Variants in ANKS1B observed in about 807,000 individuals in gnomAD.
ANKS1B encodes the protein ankyrin repeat and sterile alpha motif domain containing 1B.
In ANKS1B, 36 loss-of-function variants were observed where a neutral mutation model predicts 148.3. The observed-to-expected ratio is 0.24, with a 90% CI of 0.19 to 0.32. The LOEUF (loss-of-function observed/expected upper bound fraction) is 0.32. Ranked by LOEUF, ANKS1B falls within the 10% of genes least tolerant of loss-of-function variation. The probability of loss-of-function intolerance (pLI) is 1.00; values close to 1 mark genes in which losing one functional copy is unlikely to be tolerated. For synonymous variants in ANKS1B, 542 were observed against 560.8 expected (o/e 0.97, Z 0.47); for missense variants, 1,157 against 1,542.6 (o/e 0.75, Z 4.19).
intron 17 of ANKS1B, among the ~76,000 whole-genome samples, chr12:98,968,000 A>G (rs376946835): frequency 1.4e-4 from 22 of 152,202 alleles, no homozygotes; most frequent in African/African-American, 4.8e-4. Context: ...GAGACTATTC[A>G]AGAGGGCATT....
At chr12:99,101,207 A>T (rs1367433521) in intron 15 of ANKS1B, among the ~76,000 whole-genome samples, 1 of 152,142 alleles carries the variant, frequency 6.6e-6, no homozygotes, top group Non-Finnish European at 1.5e-5. Context: ...AAGTTGTTTT[A>T]TGCCTGGAAG....
chr12:98,857,921 A>G (rs115111633), intron 17 of ANKS1B, among the ~76,000 whole-genome samples: 2 of 152,170 alleles, frequency 1.3e-5, no homozygotes, highest in African/African-American at 4.8e-5. Flanking sequence ...GTATGTAGCT[A>G]TATTTTGTGT....
chr12:99,474,414 A>C (rs2096284910), intron 10 of ANKS1B, among the ~76,000 whole-genome samples: 1 of 152,132 alleles, frequency 6.6e-6, no homozygotes, highest in Non-Finnish European at 1.5e-5. Flanking sequence ...TAAAATATAA[A>C]GAAGAAATTA....
intron 26 of ANKS1B, among the ~76,000 whole-genome samples, chr12:98,749,598 T>C (rs977940904): frequency 2.0e-5 from 3 of 152,114 alleles, no homozygotes; most frequent in African/African-American, 7.2e-5. Context: ...AAGTCAGCCA[T>C]GCAGAAACCG....
intron 22 of ANKS1B, chr12:98,794,838 A>C: frequency 6.2e-7 from 1 of 1,601,244 alleles, no homozygotes. Flanking sequence ...AGCTACAGAA[A>C]GTTCAGGATA....
At chr12:99,498,463 T>C (rs183696461) in intron 10 of ANKS1B, among the ~76,000 whole-genome samples, 1 of 152,272 alleles carries the variant, frequency 6.6e-6, no homozygotes, top group Admixed American at 6.5e-5. Flanking sequence ...TATTCATCTA[T>C]CTAACTCCTC....
chr12:99,768,022 A>G (rs1196795989), intron 8 of ANKS1B, among the ~76,000 whole-genome samples: 2 of 152,184 alleles, frequency 1.3e-5, no homozygotes, highest in Non-Finnish European at 2.9e-5. Flanking sequence ...TTGGAAGAAA[A>G]GAGACAACAA....
intron 17 of ANKS1B, among the ~76,000 whole-genome samples, chr12:98,854,507 G>A (rs1009471627): frequency 1.8e-5 from 2 of 112,666 alleles, no homozygotes; most frequent in Admixed American, 1.0e-4. Context: ...ACCATCCCCT[G>A]TTTTACAAAG....
chr12:99,492,983 T>A (rs1407747828), intron 10 of ANKS1B, among the ~76,000 whole-genome samples: 1 of 152,118 alleles, frequency 6.6e-6, no homozygotes, highest in African/African-American at 2.4e-5. Flanking sequence ...TGGCACAAGA[T>A]AGGATGCCTT....
chr12:99,810,044 C>T (rs11110056), intron 3 of ANKS1B, among the ~76,000 whole-genome samples: 40,131 of 151,828 alleles, frequency 0.26, 5,652 homozygotes, highest in Middle Eastern at 0.34. Flanking sequence ...ACACAGTAAA[C>T]AATCCATTAA....
At chr12:99,210,813 C>G (rs909419411) in intron 14 of ANKS1B, among the ~76,000 whole-genome samples, 14 of 152,196 alleles carry the variant, frequency 9.2e-5, no homozygotes, top group African/African-American at 3.4e-4. Flanking sequence ...AAACTCTTGG[C>G]ATTCCTAATA....
intron 9 of ANKS1B, 118 bp downstream of exon 9, chr12:99,654,949 C>T: frequency 2.5e-6 from 3 of 1,199,016 alleles, no homozygotes; most frequent in Non-Finnish European, 2.3e-6. Context: ...ACCACAAGAT[C>T]CAAAATCACA....
chr12:99,809,288 C>A (rs928691271), intron 3 of ANKS1B, among the ~76,000 whole-genome samples: 1 of 151,438 alleles, frequency 6.6e-6, no homozygotes, highest in Non-Finnish European at 1.5e-5. Flanking sequence ...AGTAAAACAT[C>A]TAACAAGAGT....
intron 10 of ANKS1B, among the ~76,000 whole-genome samples, chr12:99,456,874 C>T (rs2095855925): frequency 6.6e-6 from 1 of 151,964 alleles, no homozygotes; most frequent in African/African-American, 2.4e-5. Flanking sequence ...AAAAACTTTC[C>T]CAGCCTTGCT....
chr12:99,374,752 T>A (rs1362358520), intron 12 of ANKS1B, among the ~76,000 whole-genome samples: 1 of 152,206 alleles, frequency 6.6e-6, no homozygotes, highest in Non-Finnish European at 1.5e-5. Context: ...ATCTAAAAGA[T>A]CTTAAATCAC....
At chr12:98,768,284 C>A (rs550125524) in intron 25 of ANKS1B, among the ~76,000 whole-genome samples, 32 of 152,096 alleles carry the variant, frequency 2.1e-4, no homozygotes, top group African/African-American at 7.5e-4. Context: ...TTTTTATTTT[C>A]ATCTCCCCAT....
At chr12:99,726,962 A>T (rs77306226) in intron 8 of ANKS1B, among the ~76,000 whole-genome samples, 1,748 of 152,288 alleles carry the variant, frequency 0.011, 29 homozygotes, top group African/African-American at 0.04. Flanking sequence ...AAAACTCTCA[A>T]TAAACTAGAT....
At chr12:99,786,690 C>T (rs1206414688) in intron 4 of ANKS1B, among the ~76,000 whole-genome samples, 1 of 152,026 alleles carries the variant, frequency 6.6e-6, no homozygotes, top group Non-Finnish European at 1.5e-5. Context: ...TAAAGTGGTC[C>T]TGGGTTTCTA....
intron 22 of ANKS1B, among the ~76,000 whole-genome samples, chr12:98,784,041 G>A (rs1325718406): frequency 6.6e-6 from 1 of 152,240 alleles, no homozygotes; most frequent in East Asian, 1.9e-4. Context: ...ATCTGCTATG[G>A]AAGATGAATG....
Sources: allele counts gnomAD v4.1 joint callset (sites outside exome capture counted in the v4.1 genomes callset), GRCh38; gene constraint gnomAD v4.1.1; transcripts MANE v1.5; gene names NCBI Gene and HGNC (gene_info 2026-07-23, HGNC 2026-07-21).